The following RYR2 variants were observed in gnomAD, a reference collection of about 807,000 sequenced individuals.
RYR2 encodes ryanodine receptor 2.
In RYR2, 227 loss-of-function variants were observed where a neutral mutation model predicts 601.1. That is an observed-to-expected ratio of 0.38 (90% CI 0.34 to 0.42). The LOEUF (loss-of-function observed/expected upper bound fraction) is 0.42. Among genes scored for constraint, RYR2 ranks in the 10% least tolerant of loss-of-function variants. The pLI, the probability that RYR2 is intolerant of heterozygous loss-of-function variation, is 1.00. For synonymous variants in RYR2, 2,223 were observed against 2,175.1 expected (o/e 1.02, Z -0.61); for missense variants, 4,646 against 6,156.5 (o/e 0.75, Z 8.21).
intron 12 of RYR2, among the ~76,000 whole-genome samples, chr1:237,436,585 A>G (rs979140054): frequency 6.7e-6 from 1 of 149,368 alleles, no homozygotes; most frequent in African/African-American, 2.5e-5. Context: ...GTGACCAACT[A>G]TTCTGGGCTG....
At chr1:237,814,968 T>C (rs1489479278) in intron 100 of RYR2, among the ~76,000 whole-genome samples, 1 of 128,166 alleles carries the variant, frequency 7.8e-6, no homozygotes, top group East Asian at 2.3e-4. Context: ...CTTTTTTCTT[T>C]TTTTTTTTTT....
chr1:237,113,577 C>G (rs1014583180), intron 1 of RYR2, among the ~76,000 whole-genome samples: 1 of 152,136 alleles, frequency 6.6e-6, no homozygotes, highest in African/African-American at 2.4e-5. Flanking sequence ...TCATGTCATA[C>G]TAGTTTTTGC....
chr1:237,775,138 G>A (rs1354246138), intron 87 of RYR2, among the ~76,000 whole-genome samples: 1 of 145,186 alleles, frequency 6.9e-6, no homozygotes. Flanking sequence ...TTTTTTATAT[G>A]ACATTTTAAA....
At chr1:237,347,420 A>G (rs959079021) in intron 3 of RYR2, among the ~76,000 whole-genome samples, 5 of 152,228 alleles carry the variant, frequency 3.3e-5, no homozygotes, top group Non-Finnish European at 7.3e-5. Context: ...TACTTTCGGG[A>G]TGAATTCACT....
chr1:237,081,474 C>A (rs2997486), intron 1 of RYR2, among the ~76,000 whole-genome samples: 1 of 150,108 alleles, frequency 6.7e-6, no homozygotes, highest in Non-Finnish European at 1.5e-5. Context: ...CCCTGTCTTT[C>A]TTTATATATG....
chr1:237,105,377 A>G (rs185509879), intron 1 of RYR2, among the ~76,000 whole-genome samples: 10 of 152,268 alleles, frequency 6.6e-5, no homozygotes. Flanking sequence ...TAAGGGGGTG[A>G]TGGAGGGAAT....
At chr1:237,392,542 A>G (rs1392365006) in intron 10 of RYR2, among the ~76,000 whole-genome samples, 1 of 152,168 alleles carries the variant, frequency 6.6e-6, no homozygotes, top group Non-Finnish European at 1.5e-5. Flanking sequence ...TTCAAGCCTG[A>G]CATATTTTAT....
In RYR2 at chr1:237,083,360, G is replaced by A. The variant is rs188504403; in HGVS notation, c.48+40791G>A. On this transcript the variant is annotated intron_variant, in intron 1 of 104. Coordinates refer to ENST00000366574, the MANE Select transcript of RYR2 (RefSeq NM_001035.3). ...ATGTGCTTAGTGGTTCTCATGCCATGCCACTCTCAGGCAAGCCAGGTAACC... is the reference window on the plus strand; with the variant it reads ...ATGTGCTTAGTGGTTCTCATGCCATACCACTCTCAGGCAAGCCAGGTAACC... Among the ~76,000 whole-genome samples, 310 of 152,294 alleles carry A rather than the reference G, an allele frequency of 2.0e-3. 2 individuals carry two copies. The highest frequency in any genetic ancestry group is 0.01 in the Middle Eastern group (3 of 294).
rs57064786 is a variant in RYR2 at position 237,440,999 on chromosome 1, G to GA, written c.1006-309dup. ...ATCTATGCTCTTAATCACTAATAAT[G>GA]AAAAAAAAAAATCCACAAAAACCCA... is the stretch of plus-strand genomic sequence containing the variant. On this transcript the variant is annotated intron_variant, in intron 12 of 104. Transcript: ENST00000366574. 2.4e-4 allele frequency among the ~76,000 whole-genome samples: 36 copies of GA among 149,862 alleles called. No individual in the cohort carries two copies. In the East Asian group the frequency reaches 2.6e-3, roughly 11 times the overall value.
intron 35 of RYR2, among the ~76,000 whole-genome samples, chr1:237,609,777 C>G (rs1677618716): frequency 6.6e-6 from 1 of 152,150 alleles, no homozygotes; most frequent in Non-Finnish European, 1.5e-5. Flanking sequence ...CCCAAACCCC[C>G]AGGCCCATGA....
intron 44 of RYR2, among the ~76,000 whole-genome samples, chr1:237,635,847 T>G (rs1382292657): frequency 6.6e-6 from 1 of 152,200 alleles, no homozygotes; most frequent in Non-Finnish European, 1.5e-5. Flanking sequence ...TTGCTGTAGC[T>G]GGAACACGCC....
At chr1:237,391,641 A>G (rs1702391364) in intron 10 of RYR2, among the ~76,000 whole-genome samples, 1 of 152,154 alleles carries the variant, frequency 6.6e-6, no homozygotes, top group African/African-American at 2.4e-5. Context: ...TATTTAATAT[A>G]CATAACTGTA....
chr1:237,786,110 T>C (rs1657520599), intron 91 of RYR2, 74 bp downstream of exon 91: 1 of 931,534 alleles, frequency 1.1e-6, no homozygotes. Flanking sequence ...ACTCTGTCTT[T>C]GGGAGCTGCA....
chr1:237,383,512 C>T (rs1312144076), intron 8 of RYR2, among the ~76,000 whole-genome samples: 1 of 136,542 alleles, frequency 7.3e-6, no homozygotes, highest in Admixed American at 8.3e-5. Context: ...TCGCTGCAAG[C>T]TCCACCTCCC....
At chr1:237,161,895 T>G (rs2148864606) in intron 1 of RYR2, among the ~76,000 whole-genome samples, 1 of 152,316 alleles carries the variant, frequency 6.6e-6, no homozygotes, top group Non-Finnish European at 1.5e-5. Flanking sequence ...AAAACCCACC[T>G]GTTTTCTATA....
At chr1:237,631,652 A>C (rs1417673086) in intron 42 of RYR2, 111 bp downstream of exon 42, 6 of 464,136 alleles carry the variant, frequency 1.3e-5, no homozygotes, top group Admixed American at 7.4e-5. Flanking sequence ...TTTTGGAGAC[A>C]GAGGCTCACT....
chr1:237,823,236 C>T (rs1025887639), intron 101 of RYR2, among the ~76,000 whole-genome samples: 2 of 152,224 alleles, frequency 1.3e-5, no homozygotes, highest in African/African-American at 4.8e-5. Context: ...ACATTCTTCT[C>T]AGCACCAATT....
At chr1:237,642,559 T>C (rs1414037299) in intron 47 of RYR2, among the ~76,000 whole-genome samples, 4 of 152,170 alleles carry the variant, frequency 2.6e-5, no homozygotes, top group Non-Finnish European at 5.9e-5. Flanking sequence ...GAAAACTAAG[T>C]GAAGGAATAG....
intron 12 of RYR2, among the ~76,000 whole-genome samples, chr1:237,429,271 C>T (rs1706535986): frequency 6.6e-6 from 1 of 152,146 alleles, no homozygotes; most frequent in African/African-American, 2.4e-5. Flanking sequence ...ATGGGGAAAA[C>T]CAACGCAGGG....
Sources: gnomAD v4.1 joint callset for allele counts (sites outside exome capture counted in the v4.1 genomes callset) on GRCh38, gnomAD v4.1.1 for gene constraint, MANE v1.5 for transcripts, NCBI Gene and HGNC (gene_info 2026-07-23, HGNC 2026-07-21) for gene names.